MSN: variants seen among roughly 807,000 people sequenced by gnomAD.
MSN encodes epididymis luminal protein 70.
MSN carries 2 observed loss-of-function variants against 48.0 expected under a neutral mutation model. The ratio of observed to expected loss-of-function variants is 0.04; its 90% CI spans 0.02 to 0.13. The LOEUF (loss-of-function observed/expected upper bound fraction) is 0.13. MSN is among the 10% of genes least tolerant of loss of function. The pLI is 1.00. For missense variants in MSN, 267 were observed against 470.1 expected (o/e 0.57, Z 3.99); for synonymous variants, 146 against 166.9 (o/e 0.87, Z 0.97).
intron 2 of MSN, among the ~76,000 whole-genome samples, chrX:65,720,622 T>G (rs769338058): frequency 8.9e-6 from 1 of 112,001 alleles, no homozygotes; most frequent in East Asian, 2.8e-4. Context: ...GTCTGGCTCT[T>G]GGGACCCATC....
At chrX:65,668,877 C>A (rs181388873) in intron 1 of MSN, among the ~76,000 whole-genome samples, 12 of 111,927 alleles carry the variant, frequency 1.1e-4, no homozygotes, top group Non-Finnish European at 2.1e-4. Context: ...CTGGCCTAGG[C>A]AATGCAGTGC....
intron 1 of MSN, among the ~76,000 whole-genome samples, chrX:65,652,167 C>T (rs190113015): frequency 5.9e-4 from 65 of 110,350 alleles, no homozygotes; most frequent in Non-Finnish European, 1.0e-3. Context: ...CTGTGCTAAT[C>T]CAGCCCCCTG....
chrX:65,611,801 A>T (rs2070322661), intron 1 of MSN, among the ~76,000 whole-genome samples: 1 of 110,829 alleles, frequency 9.0e-6, no homozygotes, highest in South Asian at 3.8e-4. Context: ...CTGTTTTCCA[A>T]AGTGCCTGTA....
chrX:65,626,234 G>A (rs1200083649), intron 1 of MSN, among the ~76,000 whole-genome samples: 2 of 112,059 alleles, frequency 1.8e-5, no homozygotes, highest in East Asian at 2.8e-4. Context: ...GATTACAGGC[G>A]TGAGCCACCG....
chrX:65,706,587 C>T (rs185548620), intron 1 of MSN, among the ~76,000 whole-genome samples: 214 of 112,137 alleles, frequency 1.9e-3, no homozygotes, highest in Non-Finnish European at 2.9e-3. Context: ...TGTGCCCAGG[C>T]TTCCTATGCC....
chrX:65,611,144 CCTTTCTTTCTTT>C (rs370402241), intron 1 of MSN, among the ~76,000 whole-genome samples: 1 of 105,206 alleles, frequency 9.5e-6, no homozygotes, highest in Admixed American at 1.0e-4. Flanking sequence ...TTCCATCCTT[CCTTTCTTTCTTT>C]CTTTCTTTCT....
chrX:65,684,443 CTT>C (rs1300988514), intron 1 of MSN, among the ~76,000 whole-genome samples: 3 of 100,218 alleles, frequency 3.0e-5, no homozygotes, highest in Non-Finnish European at 2.1e-5. Context: ...TCTTTTTTTT[CTT>C]TTTTTTTTTT....
chrX:65,732,047 C>A, intron 6 of MSN, 63 bp downstream of exon 6: 1 of 1,108,480 alleles, frequency 9.0e-7, no homozygotes, highest in Non-Finnish European at 1.2e-6. Context: ...CACTTTTCAC[C>A]AAGGAGCAGG....
intron 5 of MSN, 129 bp from the exon 6 acceptor site, chrX:65,731,709 T>A (rs990781028): frequency 1.4e-6 from 1 of 730,100 alleles, no homozygotes; most frequent in African/African-American, 2.2e-5. Context: ...ATCATCTGCT[T>A]GCCTTTTGTC....
intron 1 of MSN, among the ~76,000 whole-genome samples, chrX:65,614,621 T>C (rs1181290995): frequency 1.8e-5 from 2 of 109,075 alleles, no homozygotes; most frequent in African/African-American, 6.6e-5. Context: ...TATTTTATTC[T>C]CTTGTAGCAA....
intron 1 of MSN, among the ~76,000 whole-genome samples, chrX:65,633,463 C>T (rs1435963257): frequency 2.7e-5 from 3 of 112,506 alleles, no homozygotes; most frequent in African/African-American, 6.5e-5. Flanking sequence ...TTAATCACAT[C>T]TCAGTTCTGA....
At chrX:65,635,835 C>T (rs1459141592) in intron 1 of MSN, among the ~76,000 whole-genome samples, 2 of 111,884 alleles carry the variant, frequency 1.8e-5, no homozygotes, top group South Asian at 7.5e-4. Context: ...ATAACATGTG[C>T]CTCAATTCCC....
intron 1 of MSN, among the ~76,000 whole-genome samples, chrX:65,603,961 A>G (rs777449868): frequency 3.6e-5 from 4 of 110,204 alleles, no homozygotes; most frequent in Non-Finnish European, 7.5e-5. Flanking sequence ...CACCATCATC[A>G]CCATTATCAT....
At chrX:65,645,835 T>C (rs1171432405) in intron 1 of MSN, among the ~76,000 whole-genome samples, 1 of 111,550 alleles carries the variant, frequency 9.0e-6, no homozygotes, top group Non-Finnish European at 1.9e-5. Context: ...GTTGGTACTA[T>C]TATAGGGCTT....
intron 1 of MSN, among the ~76,000 whole-genome samples, chrX:65,626,677 A>G (rs1204686332): frequency 9.3e-6 from 1 of 107,253 alleles, no homozygotes; most frequent in African/African-American, 3.4e-5. Context: ...CTGCTGAAAA[A>G]CCCCCAAATC....
intron 1 of MSN, among the ~76,000 whole-genome samples, chrX:65,606,134 TG>T (rs2070277059): frequency 9.4e-6 from 1 of 106,065 alleles, no homozygotes; most frequent in East Asian, 2.9e-4. Flanking sequence ...TTTGTTTTTA[TG>T]TTTTTTTTTT....
intron 1 of MSN, among the ~76,000 whole-genome samples, chrX:65,590,604 G>C (rs1412075206): frequency 8.9e-6 from 1 of 111,770 alleles, no homozygotes; most frequent in Non-Finnish European, 1.9e-5. Context: ...CCCTCAAAAA[G>C]GGAAGCCAAG....
chrX:65,681,957 A>G (rs59309622), intron 1 of MSN, among the ~76,000 whole-genome samples: 1,489 of 111,072 alleles, frequency 0.013, 25 homozygotes, highest in African/African-American at 0.046. Context: ...GGGAAGTACC[A>G]TCTCCTCACT....
chrX:65,691,643 T>C (rs1213701223), intron 1 of MSN, among the ~76,000 whole-genome samples: 1 of 111,072 alleles, frequency 9.0e-6, no homozygotes, highest in Non-Finnish European at 1.9e-5. Flanking sequence ...TAGCTGGGAT[T>C]CCAGGTGCCC....
Sources: gnomAD v4.1 joint callset for allele counts (sites outside exome capture counted in the v4.1 genomes callset) on GRCh38, gnomAD v4.1.1 for gene constraint, MANE v1.5 for transcripts, NCBI Gene and HGNC (gene_info 2026-07-23, HGNC 2026-07-21) for gene names.